The following CHST9 variants were observed in gnomAD, a reference collection of about 807,000 sequenced individuals.
CHST9 encodes GalNAc-4-sulfotransferase 2.
Under a neutral mutation model 44.4 loss-of-function variants are expected in CHST9, and 41 were observed. The ratio of observed to expected loss-of-function variants is 0.92; its 90% CI spans 0.72 to 1.20. The LOEUF (loss-of-function observed/expected upper bound fraction) is 1.20. Among genes scored for constraint, CHST9 ranks in the 50% most tolerant of loss-of-function variants. CHST9 has a pLI of 0.00. For missense variants in CHST9, 504 were observed against 516.5 expected, an observed-to-expected ratio of 0.98 and a Z score of 0.23; for synonymous variants, 171 against 178.4, an observed-to-expected ratio of 0.96 and a Z score of 0.33.
intron 2 of CHST9, among the ~76,000 whole-genome samples, chr18:27,050,404 T>C (rs1003096802): frequency 1.3e-5 from 2 of 151,688 alleles, no homozygotes; most frequent in Non-Finnish European, 2.9e-5. Context: ...CAGCTGTCAC[T>C]TTTTTTTGTC....
rs1453564178 is a variant in CHST9, at chr18:27,163,688, C to A, written c.-96-20783G>T. 4.6e-5 allele frequency among the ~76,000 whole-genome samples: 7 copies of A among 152,252 alleles called. No individual in the cohort carries two copies. In the East Asian group the frequency reaches 1.4e-3, roughly 29 times the overall value. ...AAGCGCATTATTAGGGTGGGAGTGA[C>A]CCTAATTTCCAGGTGCCATCTGTCA... is the stretch of plus-strand genomic sequence containing the variant. On this transcript the variant is annotated intron_variant, in intron 1 of 5. Transcript: ENST00000618847.
intron 4 of CHST9, among the ~76,000 whole-genome samples, chr18:26,980,298 G>A (rs570034129): frequency 9.2e-5 from 14 of 152,134 alleles, no homozygotes; most frequent in African/African-American, 2.4e-4. Context: ...AATCCCTAGC[G>A]CCTAGAAGTG....
chr18:27,080,111 T>C (rs966370299), intron 2 of CHST9, among the ~76,000 whole-genome samples: 2 of 152,082 alleles, frequency 1.3e-5, no homozygotes, highest in African/African-American at 4.8e-5. Context: ...TCAAAGATAA[T>C]TGATGCATGG....
intron 2 of CHST9, among the ~76,000 whole-genome samples, chr18:27,099,955 G>T (rs988044064): frequency 1.3e-5 from 2 of 151,634 alleles, no homozygotes; most frequent in Non-Finnish European, 2.9e-5. Context: ...CAATAGCAAA[G>T]ACATGGAATC....
At chr18:26,993,701 G>A (rs1453442585) in intron 4 of CHST9, among the ~76,000 whole-genome samples, 1 of 152,218 alleles carries the variant, frequency 6.6e-6, no homozygotes, top group Non-Finnish European at 1.5e-5. Context: ...TTAGAACTAT[G>A]TCTGGAGGAA....
intron 1 of CHST9, among the ~76,000 whole-genome samples, chr18:27,172,075 C>T (rs554523034): frequency 3.4e-4 from 51 of 152,188 alleles, no homozygotes; most frequent in African/African-American, 1.1e-3. Context: ...GTCTTTTACA[C>T]GGATTTATTA....
chr18:26,971,600 A>T (rs2056543267), intron 4 of CHST9, among the ~76,000 whole-genome samples: 1 of 152,240 alleles, frequency 6.6e-6, no homozygotes, highest in Non-Finnish European at 1.5e-5. Context: ...AGCCCAGTGG[A>T]GCAGCTTCCA....
intron 4 of CHST9, among the ~76,000 whole-genome samples, chr18:27,008,302 A>C (rs1486204071): frequency 6.6e-6 from 1 of 152,218 alleles, no homozygotes; most frequent in African/African-American, 2.4e-5. Flanking sequence ...ATTTCAAACT[A>C]GGGGAGATAT....
chr18:27,112,578 CGTGTGTGT>C (rs35249332), intron 2 of CHST9, among the ~76,000 whole-genome samples: 1,961 of 140,520 alleles, frequency 0.014, 52 homozygotes, highest in Admixed American at 0.059. Context: ...GGATATTCAA[CGTGTGTGT>C]GTGTGTGTGT....
At chr18:26,993,334 C>G (rs904182974) in intron 4 of CHST9, among the ~76,000 whole-genome samples, 6 of 152,030 alleles carry the variant, frequency 3.9e-5, no homozygotes, top group Non-Finnish European at 5.9e-5. Context: ...GAATTGAAAC[C>G]TTAAATTTTA....
chr18:27,005,123 T>C (rs2057000690), intron 4 of CHST9, among the ~76,000 whole-genome samples: 1 of 152,200 alleles, frequency 6.6e-6, no homozygotes, highest in African/African-American at 2.4e-5. Flanking sequence ...CAAGAATAAA[T>C]GTTAAGGCTT....
intron 5 of CHST9, among the ~76,000 whole-genome samples, chr18:26,937,842 C>T (rs997771919): frequency 2.6e-5 from 4 of 152,118 alleles, no homozygotes; most frequent in Non-Finnish European, 4.4e-5. Context: ...TTACTAATGT[C>T]GTGCTAAATG....
At chr18:27,107,184 T>A (rs2058228966) in intron 2 of CHST9, among the ~76,000 whole-genome samples, 1 of 152,226 alleles carries the variant, frequency 6.6e-6, no homozygotes, top group African/African-American at 2.4e-5. Context: ...CGTCAAATTG[T>A]TATTAAATAC....
intron 4 of CHST9, among the ~76,000 whole-genome samples, chr18:27,023,728 T>C (rs1456127013): frequency 6.6e-6 from 1 of 152,224 alleles, no homozygotes; most frequent in Non-Finnish European, 1.5e-5. Context: ...TTTTACTCTA[T>C]TCATAGAGGA....
chr18:27,154,629 CAAT>C (rs2058684226), intron 1 of CHST9, among the ~76,000 whole-genome samples: 1 of 151,948 alleles, frequency 6.6e-6, no homozygotes, highest in South Asian at 2.1e-4. Flanking sequence ...GATTATAGTC[CAAT>C]ATAAAAATCT....
At chr18:27,126,793 A>G (rs2058427676) in intron 2 of CHST9, among the ~76,000 whole-genome samples, 1 of 152,136 alleles carries the variant, frequency 6.6e-6, no homozygotes, top group South Asian at 2.1e-4. Context: ...GGATGGTGAC[A>G]GGGCAAGGTC....
At chr18:27,179,139 T>C (rs1307109260) in intron 1 of CHST9, among the ~76,000 whole-genome samples, 30 of 151,990 alleles carry the variant, frequency 2.0e-4, no homozygotes, top group Non-Finnish European at 2.9e-5. Context: ...CAGTGCTTTA[T>C]GGAGATATAC....
intron 4 of CHST9, among the ~76,000 whole-genome samples, chr18:26,964,789 A>G (rs1038197055): frequency 6.6e-6 from 1 of 152,246 alleles, no homozygotes; most frequent in African/African-American, 2.4e-5. Flanking sequence ...GTGCCCTTCC[A>G]GAACAAGACT....
At chr18:27,088,363 T>G (rs1447642446) in intron 2 of CHST9, among the ~76,000 whole-genome samples, 4 of 152,116 alleles carry the variant, frequency 2.6e-5, no homozygotes. Flanking sequence ...TTACAAGCAT[T>G]TGTACTGCAT....
Sources: gnomAD v4.1 joint callset for allele counts (sites outside exome capture counted in the v4.1 genomes callset) on GRCh38, gnomAD v4.1.1 for gene constraint, MANE v1.5 for transcripts, NCBI Gene and HGNC (gene_info 2026-07-23, HGNC 2026-07-21) for gene names.